Variants in C18orf63 observed in about 807,000 individuals in gnomAD.
C18orf63 encodes chromosome 18 open reading frame 63.
In C18orf63, 50 loss-of-function variants were observed where a neutral mutation model predicts 75.3. The observed-to-expected ratio is 0.66, with a 90% CI of 0.53 to 0.84. The LOEUF (loss-of-function observed/expected upper bound fraction) is 0.84, where lower values mean the gene tolerates loss of function less well. Among genes scored for constraint, C18orf63 ranks in the 40% least tolerant of loss-of-function variants. C18orf63 has a pLI of 0.00. For missense variants in C18orf63, 732 were observed against 800.2 expected, an observed-to-expected ratio of 0.91 and a Z score of 1.03; for synonymous variants, 232 against 267.6, an observed-to-expected ratio of 0.87 and a Z score of 1.30.
intron 7 of C18orf63, among the ~76,000 whole-genome samples, chr18:74,332,562 G>A (rs1599003889): frequency 6.6e-6 from 1 of 152,038 alleles, no homozygotes. Flanking sequence ...CATTAGCTGG[G>A]CATGGTGGTG....
intron 11 of C18orf63, among the ~76,000 whole-genome samples, chr18:74,345,977 T>TAGAG (rs5826315): frequency 0.78 from 117,863 of 151,414 alleles, 46,161 homozygotes; most frequent in African/African-American, 0.87. Context: ...CACACACACA[T>TAGAG]AGAGACAGAG....
intron 11 of C18orf63, among the ~76,000 whole-genome samples, 154 bp downstream of exon 11, chr18:74,343,856 T>C (rs1342207609): frequency 6.6e-6 from 1 of 152,108 alleles, no homozygotes; most frequent in East Asian, 1.9e-4. Flanking sequence ...GTTATTATTA[T>C]TACTATACTT....
chr18:74,331,361 A>G (rs1454747376), intron 7 of C18orf63, among the ~76,000 whole-genome samples: 5 of 152,162 alleles, frequency 3.3e-5, no homozygotes, highest in Non-Finnish European at 7.3e-5. Flanking sequence ...TTTTACACAT[A>G]ACACTTTCTG....
chr18:74,347,015 T>C (rs778008519), intron 11 of C18orf63, among the ~76,000 whole-genome samples: 6 of 152,214 alleles, frequency 3.9e-5, no homozygotes, highest in Non-Finnish European at 8.8e-5. Context: ...TTCTTAGTCC[T>C]GTAATTGGAA....
chr18:74,345,356 A>G (rs1374760941), intron 11 of C18orf63, among the ~76,000 whole-genome samples: 1 of 151,940 alleles, frequency 6.6e-6, no homozygotes, highest in Non-Finnish European at 1.5e-5. Flanking sequence ...TTGGTGTCTT[A>G]ATAGTATCTT....
In C18orf63 at chr18:74,328,916, A is replaced by C. The variant is rs2145119142; in HGVS notation, c.383-79A>C. The stretch of plus-strand genomic sequence containing the variant: ...TATTTTCTTTAGCTTTGATAATCTC[A>C]CATCAAGCATAGTTATAAATATCAA... On this transcript the variant is annotated intron_variant, in intron 5 of 13. Coordinates refer to ENST00000579455, the MANE Select transcript of C18orf63 (RefSeq NM_001174123.2). 3 of 780,292 alleles carry C rather than the reference A, an allele frequency of 3.8e-6. No individual in the cohort carries two copies. The East Asian group carries it at 8.1e-5, about 21-fold the overall frequency. 48.3% of individuals were successfully genotyped at this position (780,292 alleles called of 1,614,324 possible). A position where few individuals can be genotyped will look rare whatever the true frequency, so the allele number is the denominator to read the frequency against.
intron 11 of C18orf63, among the ~76,000 whole-genome samples, chr18:74,349,850 A>G (rs568091137): frequency 6.6e-6 from 1 of 152,364 alleles, no homozygotes; most frequent in South Asian, 2.1e-4. Flanking sequence ...CGTTTCTGCA[A>G]AAACAGAAGT....
intron 11 of C18orf63, among the ~76,000 whole-genome samples, chr18:74,352,472 C>G (rs1292189734): frequency 4.3e-5 from 5 of 117,382 alleles, no homozygotes; most frequent in Non-Finnish European, 1.0e-4. Context: ...ACGCTTGGCT[C>G]TTTTTAATGT....
Position 74,320,644 on chromosome 18 carries a change from A to G in C18orf63, c.213+53A>G. Reference sequence around the variant, plus strand: ...TTATTACTAGTTGAGAACAATATTGATAAATAATAATTTAGGTATTATAGC... The same window carrying G: ...TTATTACTAGTTGAGAACAATATTGGTAAATAATAATTTAGGTATTATAGC... On this transcript the variant is annotated intron_variant, in intron 3 of 13. Coordinates refer to ENST00000579455, the MANE Select transcript of C18orf63 (RefSeq NM_001174123.2). 4.7e-6 allele frequency: 5 copies of G among 1,061,150 alleles called. No individual in the cohort carries two copies. In the South Asian group the frequency reaches 7.5e-5, roughly 16 times the overall value. 65.7% of individuals were successfully genotyped at this position (1,061,150 alleles called of 1,614,324 possible). A position where few individuals can be genotyped will look rare whatever the true frequency, so the allele number is the denominator to read the frequency against.
At position 74,320,604 on chromosome 18, in the gene C18orf63, ATAT is replaced by A; in HGVS notation, c.213+15_213+17del. 1 of 1,481,338 alleles carries A rather than the reference ATAT, an allele frequency of 6.8e-7. No homozygotes were observed. Among genetic ancestry groups the A allele is most frequent in the Non-Finnish European group, 9.1e-7 (1 of 1,098,526 alleles). The allele number at this position is 1,481,338 out of a possible 1,614,324, so 91.8% of individuals were successfully genotyped here. A position where few individuals can be genotyped will look rare whatever the true frequency, so the allele number is the denominator to read the frequency against. ...GGTGGTGATGGCGGTTAGTATTTTA[ATAT>A]TTTGTGAAATGTTATTACTAGTTGA... On this transcript the variant is annotated intron_variant, in intron 3 of 13. Transcript: ENST00000579455.
intron 4 of C18orf63, among the ~76,000 whole-genome samples, chr18:74,326,276 G>A (rs957292307): frequency 1.3e-5 from 2 of 152,220 alleles, no homozygotes; most frequent in African/African-American, 4.8e-5. Context: ...ATTAGAGATG[G>A]ATAATATTGG....
Position 74,354,176 on chromosome 18 carries a change from A to G in C18orf63, c.1909A>G (p.Lys637Glu), listed in dbSNP as rs1599011049. ...AGTAAGCAAAATAGCCCACAGGTCT[A>G]AAAGAAAATTATGTCCAGAGTCTTC... ...LIVSKIAHRS[K>E]RKLCPESSKT... The change falls in exon 12 of 14, where the codon AAA becomes GAA. Residue 637 changes from lysine to glutamate, a missense_variant. Coordinates refer to ENST00000579455, the MANE Select transcript of C18orf63 (RefSeq NM_001174123.2). 1.3e-5 allele frequency: 20 copies of G among 1,536,200 alleles called. No homozygotes were observed. The highest frequency in any genetic ancestry group is 1.7e-5 in the Non-Finnish European group (20 of 1,146,868).
chr18:74,324,489 A>C (rs1274125488), intron 4 of C18orf63, among the ~76,000 whole-genome samples: 1 of 152,222 alleles, frequency 6.6e-6, no homozygotes, highest in East Asian at 1.9e-4. Flanking sequence ...AGCAATAGCC[A>C]AAACCAATAT....
intron 4 of C18orf63, among the ~76,000 whole-genome samples, chr18:74,323,971 G>GC (rs1465969016): frequency 6.6e-6 from 1 of 152,234 alleles, no homozygotes; most frequent in Non-Finnish European, 1.5e-5. Flanking sequence ...GGAGTCCTGT[G>GC]CAGGGCTGGT....
chr18:74,353,192 C>T, intron 11 of C18orf63, 54 bp from the exon 12 acceptor site: 12 of 1,075,998 alleles, frequency 1.1e-5, no homozygotes, highest in South Asian at 3.3e-5. Context: ...ATTTCTTTTC[C>T]ATTAAGGACA....
chr18:74,329,390 A>C (rs999203212), intron 6 of C18orf63, among the ~76,000 whole-genome samples: 2 of 148,708 alleles, frequency 1.3e-5, no homozygotes, highest in African/African-American at 2.5e-5. Context: ...AAAAAAAAAA[A>C]AAAAAACCAG....
At chr18:74,332,385 G>A (rs1214213814) in intron 7 of C18orf63, among the ~76,000 whole-genome samples, 1 of 152,110 alleles carries the variant, frequency 6.6e-6, no homozygotes, top group African/African-American at 2.4e-5. Context: ...TGAGGGCAAA[G>A]CCCTCATCAC....
Position 74,353,279 on chromosome 18 carries a change from A to C in C18orf63, c.1012A>C (p.Lys338Gln). The C allele has an allele frequency of 6.5e-7, 1 of 1,534,998 alleles. No homozygotes were observed. The highest frequency in any genetic ancestry group is 8.7e-7 in the Non-Finnish European group (1 of 1,145,934). The change falls in exon 12 of 14, where the codon AAA (lysine) becomes CAA (glutamine). Residue 338 changes from lysine (K) to glutamine (Q), a missense_variant. Transcript: ENST00000579455. ...AGTCAAGCCACCCAATTTGACCACT[A>C]AAAAAATGCTTAGGGCATCTCTGAC... Reference protein sequence around the residue: ...HKVKPPNLTTKKMLRASLTQA... With the variant: ...HKVKPPNLTTQKMLRASLTQA...
rs1435830808 is a variant in C18orf63 at position 74,359,141 on chromosome 18, A to G, written c.*2694A>G. 2 of 152,240 alleles carry G rather than the reference A, an allele frequency of 1.3e-5. No homozygotes were observed. Among genetic ancestry groups the G allele is most frequent in the East Asian group, 3.8e-4 (2 of 5,204 alleles). The allele number at this position is 152,240 out of a possible 1,614,324, so 9.4% of individuals were successfully genotyped here. ...TAAAATGTTCACTTTGTTGTACGTT[A>G]CATAGTGTCTTATTCAAAATTGAAA... On this transcript the variant is annotated 3_prime_UTR_variant, in exon 14 of 14. Coordinates refer to ENST00000579455, the MANE Select transcript of C18orf63 (RefSeq NM_001174123.2).
Sources: gnomAD v4.1 joint callset for allele counts (sites outside exome capture counted in the v4.1 genomes callset) on GRCh38, gnomAD v4.1.1 for gene constraint, MANE v1.5 for transcripts, NCBI Gene and HGNC (gene_info 2026-07-23, HGNC 2026-07-21) for gene names.